HRNR: variants seen among roughly 807,000 people sequenced by gnomAD.
The protein encoded by HRNR is hornerin.
A neutral mutation model predicts 4.8 loss-of-function variants in HRNR; 7 were observed. The observed-to-expected ratio is 1.47, with a 90% CI of 0.83 to 2.75. The LOEUF is 2.75. HRNR is among the 30% of genes most tolerant of loss of function. The pLI is 0.00. For synonymous variants in HRNR, 1,023 were observed against 1,242.7 expected (o/e 0.82, Z 3.72); for missense variants, 2,879 against 3,010.4 (o/e 0.96, Z 1.02).
intron 2 of HRNR, among the ~76,000 whole-genome samples, chr1:152,222,528 T>G (rs1557847234): frequency 6.6e-6 from 1 of 152,120 alleles, no homozygotes; most frequent in Admixed American, 6.6e-5. Context: ...TGGTGTCTGC[T>G]GAGAGAGAGA....
In HRNR at chr1:152,219,919, G is replaced by A. The variant is rs61814946; in HGVS notation, c.1710C>T (p.Ser570=). Residue 570 remains serine (S), a synonymous_variant, in exon 3 of 3, where the codon AGC becomes AGT. Coordinates refer to ENST00000368801, the MANE Select transcript of HRNR (RefSeq NM_001009931.3). ...PHGYGSGRSS[S]RGPYESGSGH... ...CGGAGCCAGACTCATATGGGCCACG[G>A]CTTGAAGACCTCCCTGAGCCATACC... The A allele has an allele frequency of 0.15, 234,372 of 1,613,750 alleles. 18,273 individuals are homozygous for A. Among genetic ancestry groups the A allele is most frequent in the South Asian group, 0.22 (20,163 of 91,066 alleles).
chr1:152,220,048 A>C lies in HRNR; in HGVS notation c.1581T>G (p.Ser527=). The change falls in exon 3 of 3, where the codon TCT becomes TCG. Residue 527 remains serine (S), a synonymous_variant. Transcript: ENST00000368801. ...YGQHGSGSRQ[S]LGHSRHGSGS... The stretch of plus-strand genomic sequence containing the variant: ...CAGACCCATGTCGGCTGTGTCCCAA[A>C]GATTGACGGGAGCCAGACCCATGCT... 1 of 1,613,984 alleles carries C rather than the reference A, an allele frequency of 6.2e-7. No homozygotes were observed. Among genetic ancestry groups the C allele is most frequent in the South Asian group, 1.1e-5 (1 of 91,086 alleles).
In HRNR at chr1:152,218,508, C is replaced by T. The variant is rs770292900; in HGVS notation, c.3121G>A (p.Glu1041Lys). ...SGWSSSRGPY[E>K]SGSGHSSGLG... is the part of the protein sequence containing the mutation. ...CCAGAAGAGTGACCGGAGCCAGACT[C>T]ATATGGGCCACGGCTTGAAGACCAC... is the stretch of plus-strand genomic sequence containing the variant. Residue 1041 changes from glutamate to lysine, a missense_variant, in exon 3 of 3, where the codon GAG (glutamate) becomes AAG (lysine). Transcript: ENST00000368801. The T allele has an allele frequency of 1.9e-6, 3 of 1,613,808 alleles. No homozygotes were observed. Among genetic ancestry groups the T allele is most frequent in the East Asian group, 2.2e-5 (1 of 44,804 alleles).
Position 152,220,069 on chromosome 1 carries a change from A to G in HRNR, c.1560T>C (p.His520=). ...CCAAAGATTGACGGGAGCCAGACCC[A>G]TGCTGACCATAGCTGGAAGATGAAC... ...SAGSSSSYGQ[H]GSGSRQSLGH... Residue 520 remains histidine (H), a synonymous_variant, in exon 3 of 3, where the codon CAT becomes CAC. Transcript: ENST00000368801. The G allele has an allele frequency of 1.2e-6, 2 of 1,613,676 alleles. No homozygotes were observed. Among genetic ancestry groups the G allele is most frequent in the Non-Finnish European group, 8.5e-7 (1 of 1,179,746 alleles).
chr1:152,219,208 A>G lies in HRNR; in HGVS notation c.2421T>C (p.Tyr807=). 3 of 1,613,752 alleles carry G rather than the reference A, an allele frequency of 1.9e-6. No homozygotes were observed. The highest frequency in any genetic ancestry group is 2.5e-6 in the Non-Finnish European group (3 of 1,179,900). The change falls in exon 3 of 3, where the codon TAT becomes TAC. Residue 807 remains tyrosine (Y), a synonymous_variant. Coordinates refer to ENST00000368801, the MANE Select transcript of HRNR (RefSeq NM_001009931.3). ...CAGAAGCCTGGCCTGAGCCAGACTC[A>G]TAATGGCCACAGCTGGAAGAACAAC... is the stretch of plus-strand genomic sequence containing the variant. The part of the protein sequence containing the change: ...GTSCSSSCGH[Y]ESGSGQASGF...
At position 152,220,267 on chromosome 1, in the gene HRNR, T is replaced by G. The variant is rs763425459; in HGVS notation, c.1362A>C (p.Pro454=). 6.8e-6 allele frequency: 11 copies of G among 1,612,656 alleles called. No homozygotes were observed. In the South Asian group the frequency reaches 1.1e-4, roughly 16 times the overall value. Residue 454 remains proline, a synonymous_variant, in exon 3 of 3, where the codon CCA becomes CCC. Coordinates refer to ENST00000368801, the MANE Select transcript of HRNR (RefSeq NM_001009931.3). The stretch of plus-strand genomic sequence containing the variant: ...AAGAGTAGCCTGAACCAGACACATA[T>G]GGGCCACTGCTGGAAGATCGACCAA... The part of the protein sequence containing the change: ...TGFGRSSSSG[P]YVSGSGYSSG...
Position 152,219,316 on chromosome 1 carries a change from T to G in HRNR, c.2313A>C (p.Gly771=), listed in dbSNP as rs758873418. 1 of 1,612,572 alleles carries G rather than the reference T, an allele frequency of 6.2e-7. No homozygotes were observed. The highest frequency in any genetic ancestry group is 8.5e-7 in the Non-Finnish European group (1 of 1,179,778). ...GGACACGGCTAGGAGAGTGGCCAGA[T>G]CCAGACCCTTGTCGGCCGTGGCCCG... ...QSSGHGRQGS[G]SGHSPSRVRH... Residue 771 remains glycine, a synonymous_variant, in exon 3 of 3, where the codon GGA becomes GGC. Coordinates refer to ENST00000368801, the MANE Select transcript of HRNR (RefSeq NM_001009931.3).
Position 152,220,319 on chromosome 1 carries a change from G to A in HRNR, c.1310C>T (p.Pro437Leu). Residue 437 changes from proline (P) to leucine (L), a missense_variant, in exon 3 of 3, where the codon CCC becomes CTC. By Grantham distance (98) the Pro-to-Leu change is moderately conservative. This residue lies in a region of HRNR where 2,646 missense variants were observed against 1,377.7 expected (regional missense o/e 1.92). Transcript: ENST00000368801. ...GQRGSGSGQS[P>L]SSGQHGTGFG... ...GCCAGTCCCATGTTGGCCGGAGCTG[G>A]GAGACTGCCCTGACCCAGACCCACG... 6.2e-7 allele frequency: 1 copy of A among 1,613,616 alleles called. No homozygotes were observed. The highest frequency in any genetic ancestry group is 8.5e-7 in the Non-Finnish European group (1 of 1,179,714).
In HRNR at chr1:152,220,016, C is replaced by G; in HGVS notation, c.1613G>C (p.Gly538Ala). Residue 538 changes from glycine (G) to alanine (A), a missense_variant, in exon 3 of 3, where the codon GGC (glycine) becomes GCC (alanine). Transcript: ENST00000368801. Reference protein sequence around the residue: ...LGHSRHGSGSGQSPSPSRGRH... With the variant: ...LGHSRHGSGSAQSPSPSRGRH... The stretch of plus-strand genomic sequence containing the variant: ...GCCACGGCTAGGGCTAGGAGACTGG[C>G]CAGATCCAGACCCATGTCGGCTGTG... 1 of 1,614,090 alleles carries G rather than the reference C, an allele frequency of 6.2e-7. No homozygotes were observed. The highest frequency in any genetic ancestry group is 1.1e-5 in the South Asian group (1 of 91,076).
At position 152,219,343 on chromosome 1, in the gene HRNR, A is replaced by T. The variant is rs747100873; in HGVS notation, c.2286T>A (p.Ser762=). Residue 762 remains serine (S), a synonymous_variant, in exon 3 of 3, where the codon TCT becomes TCA. Coordinates refer to ENST00000368801, the MANE Select transcript of HRNR (RefSeq NM_001009931.3). ...CAGACCCTTGTCGGCCGTGGCCCGA[A>T]GATTGATGGGAGCCCGACCCATGCT... The part of the protein sequence containing the change: ...YGQHGSGSHQ[S]SGHGRQGSGS... The T allele has an allele frequency of 7.4e-6, 12 of 1,613,572 alleles. No homozygotes were observed. The highest frequency in any genetic ancestry group is 1.1e-5 in the South Asian group (1 of 91,050).
rs770638460 is a variant in HRNR, at chr1:152,220,612, C to T, written c.1017G>A (p.Glu339=). 9.3e-6 allele frequency: 15 copies of T among 1,612,214 alleles called. No homozygotes were observed. In the South Asian group the frequency reaches 1.5e-4, roughly 17 times the overall value. The change falls in exon 3 of 3, where the codon GAG becomes GAA. Residue 339 remains glutamate, a synonymous_variant. Transcript: ENST00000368801. ...SSYSYSRGHY[E]SGSGQTSGFG... is the part of the protein sequence containing the mutation. ...AGCCAGAAGTCTGGCCTGAGCCAGA[C>T]TCATAATGGCCACGGCTGTAAGAGT...
intron 2 of HRNR, 45 bp from the exon 3 acceptor site, chr1:152,221,535 A>G (rs759015520): frequency 1.4e-6 from 2 of 1,390,780 alleles, no homozygotes; most frequent in Non-Finnish European, 2.0e-6. Context: ...TAGTATGGAC[A>G]ATACATCTGG....
At position 152,212,327 on chromosome 1, in the gene HRNR, A is replaced by C. The variant is rs1648411739; in HGVS notation, c.*749T>G. The C allele has an allele frequency of 6.6e-6, 1 of 152,218 alleles. No individual in the cohort carries two copies. Among genetic ancestry groups the C allele is most frequent in the Admixed American group, 6.5e-5 (1 of 15,272 alleles). The allele number at this position is 152,218 out of a possible 1,614,324, so 9.4% of individuals were successfully genotyped here. A position where few individuals can be genotyped will look rare whatever the true frequency, so the allele number is the denominator to read the frequency against. On this transcript the variant is annotated 3_prime_UTR_variant, in exon 3 of 3. Coordinates refer to ENST00000368801, the MANE Select transcript of HRNR (RefSeq NM_001009931.3). ...TTCCCAATATTGAGCAGCCTCTTAG[A>C]AATAGGGAGCAAGATCTTTCTGCTG...
chr1:152,219,137 T>C lies in HRNR; in HGVS notation c.2492A>G (p.His831Arg). The C allele has an allele frequency of 6.2e-7, 1 of 1,613,756 alleles. No homozygotes were observed. The highest frequency in any genetic ancestry group is 8.5e-7 in the Non-Finnish European group (1 of 1,179,974). ...AGAGAAGTGACCTGAGGCAGAACCA[T>C]GCTGACTATAGCCCTGTCCTGAGCC... ...ESGSGQGYSQ[H>R]GSASGHFSSQ... The change falls in exon 3 of 3, where the codon CAT becomes CGT. Residue 831 changes from histidine to arginine, a missense_variant. By Grantham distance (29) the His-to-Arg change is conservative. This residue lies in a region of HRNR where 2,646 missense variants were observed against 1,377.7 expected (regional missense o/e 1.92). Transcript: ENST00000368801.
At chr1:152,221,550 C>G (rs1213399199) in intron 2 of HRNR, 60 bp from the exon 3 acceptor site, 9 of 1,259,792 alleles carry the variant, frequency 7.1e-6, no homozygotes, top group Non-Finnish European at 1.0e-5. Context: ...ATCTGGCTAA[C>G]GAACTGAAGG....
rs774302218 is a variant in HRNR at position 152,220,272 on chromosome 1, C to T, written c.1357G>A (p.Gly453Ser). The part of the protein sequence containing the change: ...GTGFGRSSSS[G>S]PYVSGSGYSS... Reference sequence around the variant, plus strand: ...TAGCCTGAACCAGACACATATGGGCCACTGCTGGAAGATCGACCAAAGCCA... The same window carrying T: ...TAGCCTGAACCAGACACATATGGGCTACTGCTGGAAGATCGACCAAAGCCA... Residue 453 changes from glycine to serine, a missense_variant, in exon 3 of 3, where the codon GGC (glycine) becomes AGC (serine). Coordinates refer to ENST00000368801, the MANE Select transcript of HRNR (RefSeq NM_001009931.3). 14 of 1,613,932 alleles carry T rather than the reference C, an allele frequency of 8.7e-6. No homozygotes were observed. The highest frequency in any genetic ancestry group is 1.1e-5 in the Non-Finnish European group (13 of 1,179,990).
Position 152,220,181 on chromosome 1 carries a change from G to T in HRNR, c.1448C>A (p.Ser483Tyr), listed in dbSNP as rs775036253. Residue 483 changes from serine to tyrosine, a missense_variant, in exon 3 of 3, where the codon TCT becomes TAT. Physicochemically the swap from Ser to Tyr is moderately radical, Grantham distance 144. Transcript: ENST00000368801. ...EHSSGYTQHG[S>Y]GSGHSSGHGQ... ...GTGGCCGGAGGAGTGACCTGAGCCA[G>T]ATCCATGCTGAGTGTAACCAGAGGA... 3.1e-6 allele frequency: 5 copies of T among 1,613,294 alleles called. No homozygotes were observed. The highest frequency in any genetic ancestry group is 1.7e-4 in the Middle Eastern group (1 of 6,058).
Position 152,218,380 on chromosome 1 carries a change from T to C in HRNR, c.3249A>G (p.Ser1083=). The change falls in exon 3 of 3, where the codon TCA becomes TCG. Residue 1083 remains serine (S), a synonymous_variant. Coordinates refer to ENST00000368801, the MANE Select transcript of HRNR (RefSeq NM_001009931.3). The part of the protein sequence containing the change: ...SSTHGQHGST[S]GQSSSCGQHG... ...GTTGGCCACAGCTCGATGACTGTCC[T>C]GATGTAGAACCGTGTTGCCCATGGG... 1.2e-6 allele frequency: 2 copies of C among 1,612,226 alleles called. No individual in the cohort carries two copies. The highest frequency in any genetic ancestry group is 1.7e-6 in the Non-Finnish European group (2 of 1,179,904).
Position 152,220,328 on chromosome 1 carries a change from C to G in HRNR, c.1301G>C (p.Gly434Ala). The G allele has an allele frequency of 1.9e-6, 3 of 1,613,734 alleles. No individual in the cohort carries two copies. The highest frequency in any genetic ancestry group is 2.5e-6 in the Non-Finnish European group (3 of 1,179,750). ...PGHGQRGSGS[G>A]QSPSSGQHGT... is the part of the protein sequence containing the mutation. ...ATGTTGGCCGGAGCTGGGAGACTGC[C>G]CTGACCCAGACCCACGCTGGCCGTG... The change falls in exon 3 of 3, where the codon GGG becomes GCG. Residue 434 changes from glycine to alanine, a missense_variant. Gly to Ala is a moderately conservative substitution (Grantham distance 60, BLOSUM62 0). This residue lies in a region of HRNR where 2,646 missense variants were observed against 1,377.7 expected (regional missense o/e 1.92). Transcript: ENST00000368801.
Sources: allele counts gnomAD v4.1 joint callset (sites outside exome capture counted in the v4.1 genomes callset), GRCh38; gene constraint gnomAD v4.1.1; regional missense constraint gnomAD v4.1.1; transcripts MANE v1.5; gene names NCBI Gene and HGNC (gene_info 2026-07-23, HGNC 2026-07-21).